OGDH: variants seen among roughly 807,000 people sequenced by gnomAD.
OGDH encodes the protein 2-oxoglutarate dehydrogenase complex component E1.
In OGDH, 38 loss-of-function variants were observed where a neutral mutation model predicts 116.6. The ratio of observed to expected loss-of-function variants is 0.33; its 90% CI spans 0.25 to 0.43. OGDH has a LOEUF of 0.43. OGDH is among the 20% of genes least tolerant of loss of function. The pLI, the probability that OGDH is intolerant of heterozygous loss-of-function variation, is 1.00. For synonymous variants in OGDH, 488 were observed against 533.3 expected, an observed-to-expected ratio of 0.92 and a Z score of 1.17; for missense variants, 825 against 1,357.2, an observed-to-expected ratio of 0.61 and a Z score of 6.16.
At chr7:44,666,666 A>G (rs1029675151) in intron 4 of OGDH, 70 bp from the exon 5 acceptor site, 11 of 734,942 alleles carry the variant, frequency 1.5e-5, no homozygotes, top group Non-Finnish European at 2.3e-5. Context: ...CCTTTCCATA[A>G]ACTGTGGTCC....
At chr7:44,625,129 T>C (rs1056831722) in intron 2 of OGDH, among the ~76,000 whole-genome samples, 1 of 152,116 alleles carries the variant, frequency 6.6e-6, no homozygotes, top group African/African-American at 2.4e-5. Context: ...TTGTTTTTGT[T>C]TGTTTTGTTT....
chr7:44,644,256 G>A (rs1786076234), intron 2 of OGDH, among the ~76,000 whole-genome samples: 1 of 152,186 alleles, frequency 6.6e-6, no homozygotes, highest in South Asian at 2.1e-4. Context: ...TTTTTACAAT[G>A]AACTTTTGTG....
chr7:44,694,680 C>A lies in OGDH; in HGVS notation c.1668+104C>A. 1 of 1,285,070 alleles carries A rather than the reference C, an allele frequency of 7.8e-7. No homozygotes were observed. The highest frequency in any genetic ancestry group is 1.1e-6 in the Non-Finnish European group (1 of 909,912). The allele number at this position is 1,285,070 out of a possible 1,614,324, so 79.6% of individuals were successfully genotyped here. The stretch of plus-strand genomic sequence containing the variant: ...CTCACTTTTGCCAGTTATGAGGATA[C>A]ACGTGAGAGGATGTGAAATATTTAC... On this transcript the variant is annotated intron_variant, in intron 12 of 22. Coordinates refer to ENST00000222673, the MANE Select transcript of OGDH (RefSeq NM_002541.4). The surrounding 1 kb of genome is among the most constrained non-coding windows in gnomAD (Gnocchi z 4.2).
At chr7:44,637,749 G>C (rs948694227) in intron 2 of OGDH, among the ~76,000 whole-genome samples, 1 of 152,078 alleles carries the variant, frequency 6.6e-6, no homozygotes, top group African/African-American at 2.4e-5. Context: ...TGGGGGTTGG[G>C]GGGTGGTTGC....
intron 1 of OGDH, among the ~76,000 whole-genome samples, chr7:44,612,281 G>A (rs1226966691): frequency 1.3e-5 from 2 of 152,104 alleles, no homozygotes; most frequent in East Asian, 1.9e-4. Flanking sequence ...CACCAATACC[G>A]AGAGTTTTTA....
chr7:44,667,731 G>A (rs1278835096), intron 5 of OGDH, among the ~76,000 whole-genome samples: 2 of 152,172 alleles, frequency 1.3e-5, no homozygotes, highest in Non-Finnish European at 2.9e-5. Flanking sequence ...GATTTGATGA[G>A]AGGTGCATGC....
At chr7:44,666,608 TTA>T in intron 4 of OGDH, 126 bp from the exon 5 acceptor site, 2 of 428,070 alleles carry the variant, frequency 4.7e-6, no homozygotes, top group Admixed American at 4.3e-5. Context: ...CAGGGGCTTT[TTA>T]TATGATTTTT....
chr7:44,674,080 C>T (rs929335869), intron 6 of OGDH, 139 bp downstream of exon 6: 1 of 977,218 alleles, frequency 1.0e-6, no homozygotes, highest in Non-Finnish European at 1.5e-6. Context: ...TCCATCTGCA[C>T]ATGTGTGAAG....
At position 44,707,424 on chromosome 7, in the gene OGDH, GC is replaced by G. The variant is rs765562264; in HGVS notation, c.2796+37del. ...GTGGTGCCATCAGGGTGTCCCCCCA[GC>G]GGGGGTCAGGGCTCTGGTGCCTTCA... On this transcript the variant is annotated intron_variant, in intron 21 of 22. Transcript: ENST00000222673. This position sits in a 1 kb window ranked among gnomAD's most constrained non-coding sequence, Gnocchi z 5.2. 6.2e-7 allele frequency: 1 copy of G among 1,612,150 alleles called. No individual in the cohort carries two copies. Among genetic ancestry groups the G allele is most frequent in the South Asian group, 1.1e-5 (1 of 90,920 alleles).
intron 4 of OGDH, among the ~76,000 whole-genome samples, chr7:44,649,245 G>GTTTTTTTTT (rs373846462): frequency 1.0e-5 from 1 of 97,722 alleles, no homozygotes; most frequent in Non-Finnish European, 2.0e-5. Context: ...ATTTTCTGTT[G>GTTTTTTTTT]TTTTTTTTTT....
At chr7:44,629,542 G>C (rs542534610) in intron 2 of OGDH, among the ~76,000 whole-genome samples, 6 of 150,660 alleles carry the variant, frequency 4.0e-5, no homozygotes, top group South Asian at 2.1e-4. Flanking sequence ...CTTGTTAACT[G>C]ATGCCCATTT....
At chr7:44,632,847 T>A (rs942133861) in intron 2 of OGDH, among the ~76,000 whole-genome samples, 3 of 151,524 alleles carry the variant, frequency 2.0e-5, no homozygotes, top group Non-Finnish European at 2.9e-5. Context: ...CTCAATCTCC[T>A]GACCTCATGA....
chr7:44,673,521 G>A (rs1005394525), intron 5 of OGDH, among the ~76,000 whole-genome samples: 2 of 152,142 alleles, frequency 1.3e-5, no homozygotes, highest in Admixed American at 6.5e-5. Flanking sequence ...TAGAACTGGG[G>A]TTGTCCCTTG....
At chr7:44,682,211 G>A (rs986082236) in intron 10 of OGDH, among the ~76,000 whole-genome samples, 2 of 151,700 alleles carry the variant, frequency 1.3e-5, no homozygotes, top group African/African-American at 2.4e-5. Flanking sequence ...CCAATGTGGT[G>A]AAACCCCGTC....
At chr7:44,617,505 C>T (rs1285337885) in intron 1 of OGDH, among the ~76,000 whole-genome samples, 2 of 152,182 alleles carry the variant, frequency 1.3e-5, no homozygotes, top group African/African-American at 2.4e-5. Context: ...AAGTAATCCT[C>T]ACTACTTCCC....
chr7:44,690,895 G>A lies in OGDH; in HGVS notation c.1336-2930G>A, dbSNP rs148888251. Among the ~76,000 whole-genome samples, 409 of 152,148 alleles carry A rather than the reference G, an allele frequency of 2.7e-3. 4 individuals carry two copies. Among genetic ancestry groups the A allele is most frequent in the African/African-American group, 9.2e-3 (383 of 41,498 alleles). ...GCTGGCTTCAATACCAGCTGAGATT[G>A]TTCAGGGCTCTCTTATGTGTCAGGC... On this transcript the variant is annotated intron_variant, in intron 10 of 22. Transcript: ENST00000222673.
At chr7:44,655,767 G>T (rs1422680810) in intron 4 of OGDH, among the ~76,000 whole-genome samples, 1 of 152,190 alleles carries the variant, frequency 6.6e-6, no homozygotes, top group African/African-American at 2.4e-5. Flanking sequence ...TGGCTCTTGG[G>T]TTGTTTTCAG....
chr7:44,684,276 A>G (rs180699827), intron 10 of OGDH, among the ~76,000 whole-genome samples: 1 of 152,198 alleles, frequency 6.6e-6, no homozygotes, highest in Non-Finnish European at 1.5e-5. Flanking sequence ...GTGATGAGAT[A>G]CTGGTTGGTT....
Position 44,676,169 on chromosome 7 carries a change from G to C in OGDH, c.1206+20G>C. ...AAAAAGGTAAGGCCCAGAGAGAGGC[G>C]TGCAAGGCAGATCGTCAAGGCCCCA... On this transcript the variant is annotated intron_variant, in intron 9 of 22. Coordinates refer to ENST00000222673, the MANE Select transcript of OGDH (RefSeq NM_002541.4). The C allele has an allele frequency of 6.2e-7, 1 of 1,614,130 alleles. No individual in the cohort carries two copies.
Sources: allele counts gnomAD v4.1 joint callset (sites outside exome capture counted in the v4.1 genomes callset), GRCh38; gene constraint gnomAD v4.1.1; non-coding constraint Gnocchi (gnomAD v3.1); transcripts MANE v1.5; gene names NCBI Gene and HGNC (gene_info 2026-07-23, HGNC 2026-07-21).